The following AGAP1 variants were observed in gnomAD, a reference collection of about 807,000 sequenced individuals.
The protein encoded by AGAP1 is arf-GAP with GTPase, ANK repeat and PH domain-containing protein 1.
Under a neutral mutation model 105.3 loss-of-function variants are expected in AGAP1, and 29 were observed. The ratio of observed to expected loss-of-function variants is 0.28; its 90% CI spans 0.21 to 0.38. The LOEUF (loss-of-function observed/expected upper bound fraction) is 0.38, where lower values mean the gene tolerates loss of function less well. AGAP1 is among the 10% of genes least tolerant of loss of function. The probability of loss-of-function intolerance (pLI) is 1.00; values close to 1 mark genes in which losing one functional copy is unlikely to be tolerated. For synonymous variants in AGAP1, 509 were observed against 485.9 expected (o/e 1.05, Z -0.63); for missense variants, 998 against 1,165.1 (o/e 0.86, Z 2.09).
At chr2:235,579,632 C>G (rs1044684391) in intron 1 of AGAP1, among the ~76,000 whole-genome samples, 1 of 151,918 alleles carries the variant, frequency 6.6e-6, no homozygotes, top group Admixed American at 6.6e-5. Flanking sequence ...AGAAATTAGC[C>G]GGGCGTGGTG....
intron 13 of AGAP1, among the ~76,000 whole-genome samples, chr2:235,972,886 G>A (rs2054711599): frequency 6.6e-6 from 1 of 152,294 alleles, no homozygotes; most frequent in South Asian, 2.1e-4. Flanking sequence ...ATCCCCCAGG[G>A]TCTGGCTTTA....
At chr2:235,626,968 G>T (rs1410864653) in intron 1 of AGAP1, among the ~76,000 whole-genome samples, 1 of 151,342 alleles carries the variant, frequency 6.6e-6, no homozygotes, top group African/African-American at 2.4e-5. Context: ...CACTGATAGT[G>T]GGTCATTCCA....
intron 13 of AGAP1, among the ~76,000 whole-genome samples, chr2:235,984,637 G>A (rs2055233355): frequency 6.6e-6 from 1 of 151,738 alleles, no homozygotes; most frequent in African/African-American, 2.4e-5. Flanking sequence ...GGTGTGTATT[G>A]TTCCCCGCTC....
chr2:235,624,485 G>A (rs73996196), intron 1 of AGAP1, among the ~76,000 whole-genome samples: 5,489 of 152,256 alleles, frequency 0.036, 268 homozygotes, highest in African/African-American at 0.11. Flanking sequence ...TCTGCTACAT[G>A]TTGCTCTGGT....
chr2:235,675,384 G>C (rs1237411175), intron 1 of AGAP1, among the ~76,000 whole-genome samples: 1 of 151,946 alleles, frequency 6.6e-6, no homozygotes, highest in Non-Finnish European at 1.5e-5. Context: ...GTAGAGACGG[G>C]GTTTCACTGT....
Position 235,740,238 on chromosome 2 carries a change from G to A in AGAP1, c.311-725G>A, listed in dbSNP as rs1040900368. On this transcript the variant is annotated intron_variant, in intron 3 of 17. Coordinates refer to ENST00000304032, the MANE Select transcript of AGAP1 (RefSeq NM_001037131.3). This position sits in a 1 kb window ranked among gnomAD's most constrained non-coding sequence, Gnocchi z 5.7. Reference sequence around the variant, plus strand: ...TCCCCTCCTGAGAGCATCAGGGGCCGGGACGTCCAAGGTAGCACCAGGCCC... The same window carrying A: ...TCCCCTCCTGAGAGCATCAGGGGCCAGGACGTCCAAGGTAGCACCAGGCCC... Among the ~76,000 whole-genome samples, 4 of 152,002 alleles carry A rather than the reference G, an allele frequency of 2.6e-5. No homozygotes were observed. The highest frequency in any genetic ancestry group is 4.4e-5 in the Non-Finnish European group (3 of 67,984).
Position 235,787,874 on chromosome 2 carries a change from G to C in AGAP1, c.674-9885G>C, listed in dbSNP as rs76670776. ...TGGGACCAAGAGCAAGATCAAGAGC[G>C]TTCTAGACCATGAGCATTCTGGGAC... On this transcript the variant is annotated intron_variant, in intron 6 of 17. Transcript: ENST00000304032. This position sits in a 1 kb window ranked among gnomAD's most constrained non-coding sequence, Gnocchi z 4.4. Among the ~76,000 whole-genome samples, 1 of 84,528 alleles carries C rather than the reference G, an allele frequency of 1.2e-5. No homozygotes were observed. Among genetic ancestry groups the C allele is most frequent in the South Asian group, 2.7e-4 (1 of 3,704 alleles). The allele number at this position is 84,528 out of a possible 152,430, so 55.5% of individuals were successfully genotyped here.
At position 235,977,769 on chromosome 2, in the gene AGAP1, T is replaced by C. The variant is rs2054922427; in HGVS notation, c.1645+9146T>C. 6.6e-6 allele frequency among the ~76,000 whole-genome samples: 1 copy of C among 152,174 alleles called. No homozygotes were observed. The highest frequency in any genetic ancestry group is 1.5e-5 in the Non-Finnish European group (1 of 68,030). On this transcript the variant is annotated intron_variant, in intron 13 of 17. Transcript: ENST00000304032. The surrounding 1 kb of genome is among the most constrained non-coding windows in gnomAD (Gnocchi z 5.2). ...ATGTAAAACAAAAGGGGATATTGAC[T>C]AATGCAAAACTTAGTCTGTGTGGAA... is the stretch of plus-strand genomic sequence containing the variant.
At chr2:235,828,891 C>A (rs764613168) in intron 9 of AGAP1, among the ~76,000 whole-genome samples, 4 of 152,192 alleles carry the variant, frequency 2.6e-5, no homozygotes, top group Non-Finnish European at 5.9e-5. Context: ...AAGAACAGAC[C>A]TTGAGTCCTC....
At chr2:235,585,537 G>A (rs1454641655) in intron 1 of AGAP1, among the ~76,000 whole-genome samples, 1 of 152,120 alleles carries the variant, frequency 6.6e-6, no homozygotes, top group Non-Finnish European at 1.5e-5. Context: ...GCATCTCTGG[G>A]GGCCACTGTT....
At position 236,044,004 on chromosome 2, in the gene AGAP1, G is replaced by A. The variant is rs540763127; in HGVS notation, c.1891+3163G>A. Among the ~76,000 whole-genome samples the A allele has an allele frequency of 1.1e-4, 17 of 152,194 alleles. No individual in the cohort carries two copies. Among genetic ancestry groups the A allele is most frequent in the East Asian group, 3.9e-4 (2 of 5,150 alleles). On this transcript the variant is annotated intron_variant, in intron 15 of 17. Coordinates refer to ENST00000304032, the MANE Select transcript of AGAP1 (RefSeq NM_001037131.3). This position sits in a 1 kb window ranked among gnomAD's most constrained non-coding sequence, Gnocchi z 5.7. ...GTTCTTGCAGAGAATGCTCTAGACC[G>A]CCAGGAGCCCCCTCTGTCTGCTCAC...
chr2:235,502,918 C>T (rs1363221963), intron 1 of AGAP1, among the ~76,000 whole-genome samples: 1 of 144,374 alleles, frequency 6.9e-6, no homozygotes, highest in African/African-American at 2.5e-5. Context: ...AAAGGCAGAA[C>T]CGTACCTTTA....
At chr2:235,956,511 TG>T (rs1192839484) in intron 12 of AGAP1, among the ~76,000 whole-genome samples, 1 of 149,744 alleles carries the variant, frequency 6.7e-6, no homozygotes, top group Non-Finnish European at 1.5e-5. Flanking sequence ...CCCTCTGGCA[TG>T]AAAAAAAAAA....
intron 12 of AGAP1, among the ~76,000 whole-genome samples, chr2:235,939,766 A>G (rs1431440485): frequency 6.6e-6 from 1 of 152,090 alleles, no homozygotes; most frequent in Non-Finnish European, 1.5e-5. Flanking sequence ...GCTTCTCTGA[A>G]GACACACACA....
At position 235,719,565 on chromosome 2, in the gene AGAP1, T is replaced by C. The variant is rs943790922; in HGVS notation, c.310+1921T>C. Among the ~76,000 whole-genome samples, 42 of 152,354 alleles carry C rather than the reference T, an allele frequency of 2.8e-4. 1 individual carries two copies. Among genetic ancestry groups the C allele is most frequent in the African/African-American group, 9.4e-4 (39 of 41,586 alleles). ...TGCATTTTACTGCACTGAAATTTCA[T>C]AGTATTGTGTATGGTTTTTAAAAAT... On this transcript the variant is annotated intron_variant, in intron 3 of 17. Transcript: ENST00000304032. The surrounding 1 kb of genome is among the most constrained non-coding windows in gnomAD (Gnocchi z 4.9).
chr2:235,546,306 C>T (rs1281563754), intron 1 of AGAP1, among the ~76,000 whole-genome samples: 1 of 152,142 alleles, frequency 6.6e-6, no homozygotes, highest in East Asian at 1.9e-4. Context: ...GCCATCCTGC[C>T]TTTTCAGGTC....
In AGAP1 at chr2:235,864,503, G is replaced by C. The variant is rs1055812718; in HGVS notation, c.1051-18842G>C. ...GTGGGCGGCCGGAAGGTGGTTGAGC[G>C]TTTCCGCTCCACTGCGCGGCCCCGG... On this transcript the variant is annotated intron_variant, in intron 9 of 17. Coordinates refer to ENST00000304032, the MANE Select transcript of AGAP1 (RefSeq NM_001037131.3). This position sits in a 1 kb window ranked among gnomAD's most constrained non-coding sequence, Gnocchi z 5.0. Among the ~76,000 whole-genome samples, 1 of 152,190 alleles carries C rather than the reference G, an allele frequency of 6.6e-6. No individual in the cohort carries two copies. The highest frequency in any genetic ancestry group is 1.5e-5 in the Non-Finnish European group (1 of 68,030).
intron 1 of AGAP1, among the ~76,000 whole-genome samples, chr2:235,568,972 C>G (rs1944434497): frequency 6.6e-6 from 1 of 152,128 alleles, no homozygotes; most frequent in Non-Finnish European, 1.5e-5. Flanking sequence ...TTCAAGACAC[C>G]CTCACCTCAA....
intron 12 of AGAP1, among the ~76,000 whole-genome samples, chr2:235,966,489 C>T (rs1485433124): frequency 6.6e-6 from 1 of 152,126 alleles, no homozygotes; most frequent in Non-Finnish European, 1.5e-5. Context: ...AGTGACCTGT[C>T]CGTGTGCCTC....
Sources: allele counts gnomAD v4.1 joint callset (sites outside exome capture counted in the v4.1 genomes callset), GRCh38; gene constraint gnomAD v4.1.1; non-coding constraint Gnocchi (gnomAD v3.1); transcripts MANE v1.5; gene names NCBI Gene and HGNC (gene_info 2026-07-23, HGNC 2026-07-21).